Variants in OPA3 observed in about 807,000 individuals in gnomAD.
OPA3 encodes the protein outer mitochondrial membrane lipid metabolism regulator OPA3, also known as optic atrophy 3 protein.
OPA3 carries 6 observed loss-of-function variants against 4.0 expected under a neutral mutation model. That is an observed-to-expected ratio of 1.51 (90% CI 0.83 to 2.99). The LOEUF (loss-of-function observed/expected upper bound fraction) is 2.99, where lower values mean the gene tolerates loss of function less well. Ranked by LOEUF, OPA3 falls within the 30% of genes most tolerant of loss-of-function variation. The probability of loss-of-function intolerance (pLI) is 0.00; values close to 1 mark genes in which losing one functional copy is unlikely to be tolerated. For synonymous variants in OPA3, 105 were observed against 117.1 expected, an observed-to-expected ratio of 0.90 and a Z score of 0.67; for missense variants, 235 against 256.2, an observed-to-expected ratio of 0.92 and a Z score of 0.56.
chr19:45,537,205 T>C (rs1364811211), intron 1 of OPA3, among the ~76,000 whole-genome samples: 1 of 151,854 alleles, frequency 6.6e-6, no homozygotes, highest in East Asian at 1.9e-4. Flanking sequence ...TGTTTGTTTT[T>C]TGAAATGGAG....
rs897073785 is a variant in OPA3, at chr19:45,546,664, T to TTTTTG, written c.*6845_*6849dup. On this transcript the variant is annotated 3_prime_UTR_variant, in exon 2 of 2. Coordinates refer to ENST00000263275, the MANE Select transcript of OPA3 (RefSeq NM_025136.4). ...GTGTGTGCCACCATGCCTGGCTAAT[T>TTTTTG]TTTTGTTTTGTTTTGTTTTGAGACC... 2.6e-5 allele frequency: 4 copies of TTTTTG among 152,270 alleles called. No individual in the cohort carries two copies. The highest frequency in any genetic ancestry group is 4.8e-5 in the African/African-American group (2 of 41,302). The allele number at this position is 152,270 out of a possible 1,614,324, so 9.4% of individuals were successfully genotyped here. A position where few individuals can be genotyped will look rare whatever the true frequency, so the allele number is the denominator to read the frequency against.
At position 45,553,584 on chromosome 19, in the gene OPA3, T is replaced by C; in HGVS notation, c.470A>G (p.Gln157Arg). Reference sequence around the variant, plus strand: ...ATTGCAGAGCTGGGCGCGCACCTCTTGCAGCTCTGTGCGCAGTTCCTCCAG... The same window carrying C: ...ATTGCAGAGCTGGGCGCGCACCTCTCGCAGCTCTGTGCGCAGTTCCTCCAG... ...GALEELRTEL[Q>R]EVRAQLCNPG... Residue 157 changes from glutamine to arginine, a missense_variant, in exon 2 of 2, where the codon CAA becomes CGA. Physicochemically the swap from Gln to Arg is conservative, Grantham distance 43. Coordinates refer to ENST00000263275, the MANE Select transcript of OPA3 (RefSeq NM_025136.4). 3 of 1,612,432 alleles carry C rather than the reference T, an allele frequency of 1.9e-6. No homozygotes were observed. The highest frequency in any genetic ancestry group is 2.5e-6 in the Non-Finnish European group (3 of 1,179,852).
intron 1 of OPA3, among the ~76,000 whole-genome samples, chr19:45,583,935 G>C (rs1178647169): frequency 2.6e-5 from 4 of 152,212 alleles, no homozygotes; most frequent in African/African-American, 9.7e-5. Context: ...GACAGTGATG[G>C]ATCAGGAGTA....
At position 45,548,380 on chromosome 19, in the gene OPA3, A is replaced by C. The variant is rs1331976975; in HGVS notation, c.*5134T>G. On this transcript the variant is annotated 3_prime_UTR_variant, in exon 2 of 2. Transcript: ENST00000263275. ...ACAGCAGGGCCTGCCAGGAGATGGG[A>C]GGGGCACAGCCCTCAGGGCACCTCC... The C allele has an allele frequency of 2.0e-6, 2 of 985,574 alleles. No individual in the cohort carries two copies. The highest frequency in any genetic ancestry group is 1.2e-6 in the Non-Finnish European group (1 of 830,018). The allele number at this position is 985,574 out of a possible 1,614,324, so 61.1% of individuals were successfully genotyped here.
At chr19:45,569,413 C>T (rs1298607425) in intron 1 of OPA3, among the ~76,000 whole-genome samples, 3 of 152,078 alleles carry the variant, frequency 2.0e-5, no homozygotes, top group Admixed American at 6.6e-5. Context: ...GAGCCGAGAT[C>T]GCGCCACTGC....
intron 1 of OPA3, among the ~76,000 whole-genome samples, chr19:45,538,201 TAGG>T (rs1568396659): frequency 7.1e-6 from 1 of 140,974 alleles, no homozygotes. Context: ...GAGATCAAGG[TAGG>T]AGGATTGCTT....
chr19:45,529,736 T>C (rs1188711396), intron 1 of OPA3, among the ~76,000 whole-genome samples: 3 of 151,502 alleles, frequency 2.0e-5, no homozygotes, highest in African/African-American at 7.3e-5. Flanking sequence ...TTTTCTTTAA[T>C]TTTTCTTTTT....
downstream of OPA3, among the ~76,000 whole-genome samples, chr19:45,546,114 A>C (rs971319496): frequency 6.6e-6 from 1 of 152,160 alleles, no homozygotes; most frequent in African/African-American, 2.4e-5. Flanking sequence ...GACATATAAT[A>C]CATAATGTAT....
Position 45,548,860 on chromosome 19 carries a change from A to C in OPA3, c.*4654T>G. 1.8e-6 allele frequency: 1 copy of C among 558,828 alleles called. No homozygotes were observed. The highest frequency in any genetic ancestry group is 2.3e-6 in the Non-Finnish European group (1 of 441,042). 34.6% of individuals were successfully genotyped at this position (558,828 alleles called of 1,614,324 possible). A position where few individuals can be genotyped will look rare whatever the true frequency, so the allele number is the denominator to read the frequency against. ...GCTCTGTCACCCAGGCTGGAGTATA[A>C]TGGCATGATCTCGGCTCACTGCAAC... On this transcript the variant is annotated 3_prime_UTR_variant, in exon 2 of 2. Transcript: ENST00000263275.
At position 45,550,313 on chromosome 19, in the gene OPA3, CTT is replaced by C. The variant is rs1969313628; in HGVS notation, c.*3199_*3200del. ...AGTCGGGGAAAGCCCGGCCCTCCCA[CTT>C]TCACCTGCAGCTTCCCAAAAGCGGG... is the stretch of plus-strand genomic sequence containing the variant. On this transcript the variant is annotated 3_prime_UTR_variant, in exon 2 of 2. Transcript: ENST00000263275. The C allele has an allele frequency of 1.0e-6, 1 of 985,462 alleles. No individual in the cohort carries two copies. Among genetic ancestry groups the C allele is most frequent in the Admixed American group, 6.2e-5 (1 of 16,260 alleles). 61.0% of individuals were successfully genotyped at this position (985,462 alleles called of 1,614,324 possible). A position where few individuals can be genotyped will look rare whatever the true frequency, so the allele number is the denominator to read the frequency against.
intron 1 of OPA3, among the ~76,000 whole-genome samples, chr19:45,558,926 C>T (rs111512631): frequency 4.6e-5 from 7 of 151,882 alleles, no homozygotes; most frequent in African/African-American, 1.7e-4. Flanking sequence ...TCTTGTTGCC[C>T]AGGCTGGAGT....
chr19:45,584,643 A>C lies in OPA3; in HGVS notation c.122T>G (p.Ile41Ser). ...ARRSEFFKTY[I>S]CLPPAQLYHW... The stretch of plus-strand genomic sequence containing the variant: ...CTCACGTTGAGCCGGCGGGAGGCAG[A>C]TATAGGTCTTGAAGAACTCGCTTCG... The change falls in exon 1 of 2, where the codon ATC becomes AGC. Residue 41 changes from isoleucine to serine, a missense_variant. Coordinates refer to ENST00000263275, the MANE Select transcript of OPA3 (RefSeq NM_025136.4). The C allele has an allele frequency of 6.2e-7, 1 of 1,614,170 alleles. No individual in the cohort carries two copies. Among genetic ancestry groups the C allele is most frequent in the Non-Finnish European group, 8.5e-7 (1 of 1,180,018 alleles).
downstream of OPA3, among the ~76,000 whole-genome samples, chr19:45,545,365 A>C (rs2122407834): frequency 6.6e-6 from 1 of 151,856 alleles, no homozygotes; most frequent in African/African-American, 2.4e-5. Flanking sequence ...CCCCATCTCT[A>C]CAAAAAATTA....
chr19:45,564,419 C>T (rs1479622953), intron 1 of OPA3, among the ~76,000 whole-genome samples: 3 of 152,164 alleles, frequency 2.0e-5, no homozygotes, highest in African/African-American at 7.2e-5. Flanking sequence ...CAGGATCCCT[C>T]CTTGACTGGG....
At chr19:45,528,969 A>G in exon 2 of OPA3, 6 of 1,467,848 alleles carry the variant, frequency 4.1e-6, no homozygotes, top group African/African-American at 1.4e-5. Flanking sequence ...GGGCCGGTCC[A>G]GGATGGGACA....
At chr19:45,564,093 A>G (rs1465506768) in intron 1 of OPA3, among the ~76,000 whole-genome samples, 3 of 149,632 alleles carry the variant, frequency 2.0e-5, no homozygotes, top group African/African-American at 7.3e-5. Context: ...CTCCCTCCTC[A>G]AGACCCAATA....
At chr19:45,541,940 C>T (rs986322496), downstream of OPA3, among the ~76,000 whole-genome samples, 1 of 152,130 alleles carries the variant, frequency 6.6e-6, no homozygotes, top group Admixed American at 6.6e-5. Context: ...TGGAGTAGGT[C>T]CACGGCAGTG....
At chr19:45,577,907 T>C (rs1236844335) in intron 1 of OPA3, among the ~76,000 whole-genome samples, 1 of 152,164 alleles carries the variant, frequency 6.6e-6, no homozygotes, top group Non-Finnish European at 1.5e-5. Context: ...GGGATACTAT[T>C]CTAGAGCAGG....
intron 1 of OPA3, among the ~76,000 whole-genome samples, chr19:45,556,840 G>A (rs2122449622): frequency 6.6e-6 from 1 of 152,328 alleles, no homozygotes; most frequent in South Asian, 2.1e-4. Flanking sequence ...GGTTCCTGGG[G>A]TCCAGGCTGT....
Sources: allele counts gnomAD v4.1 joint callset (sites outside exome capture counted in the v4.1 genomes callset), GRCh38; gene constraint gnomAD v4.1.1; transcripts MANE v1.5; gene names NCBI Gene and HGNC (gene_info 2026-07-23, HGNC 2026-07-21).